RAB3IL1: variants seen among roughly 807,000 people sequenced by gnomAD.
RAB3IL1 encodes the protein RAB3A interacting protein like 1.
Under a neutral mutation model 49.2 loss-of-function variants are expected in RAB3IL1, and 37 were observed. The observed-to-expected ratio is 0.75, with a 90% CI of 0.58 to 0.99. The LOEUF is 0.99. Ranked by LOEUF, RAB3IL1 falls within the 50% of genes least tolerant of loss-of-function variation. RAB3IL1 has a pLI of 0.00. For missense variants in RAB3IL1, 484 were observed against 513.0 expected (o/e 0.94, Z 0.55); for synonymous variants, 193 against 213.9 (o/e 0.90, Z 0.85).
chr11:61,899,416 C>A, intron 8 of RAB3IL1, 36 bp from the exon 9 acceptor site: 2 of 1,593,314 alleles, frequency 1.3e-6, no homozygotes, highest in Non-Finnish European at 8.5e-7. Flanking sequence ...GACCTGCCAG[C>A]CCCACGCTGG....
the RAB3IL1 span, among the ~76,000 whole-genome samples, chr11:61,934,444 G>GTGTGTGTGTGTA: frequency 1.2e-5 from 1 of 83,666 alleles, no homozygotes. Context: ...GTGTGTGTGT[G>GTGTGTGTGTGTA]TGTATGTATA....
At chr11:61,943,698 A>T in the RAB3IL1 span, among the ~76,000 whole-genome samples, 1 of 152,242 alleles carries the variant, frequency 6.6e-6, no homozygotes, top group Non-Finnish European at 1.5e-5. Flanking sequence ...CAAACAGCCA[A>T]TAAGCACATG....
At chr11:61,917,256 G>A (rs1355283022) in intron 1 of RAB3IL1, 101 bp downstream of exon 1, 5 of 1,313,152 alleles carry the variant, frequency 3.8e-6, no homozygotes, top group Non-Finnish European at 4.9e-6. Context: ...AGCACCTCCG[G>A]GTGGCGGCGC....
chr11:61,921,076 G>C (rs1939895142), upstream of RAB3IL1, among the ~76,000 whole-genome samples: 1 of 152,062 alleles, frequency 6.6e-6, no homozygotes, highest in Admixed American at 6.5e-5. Context: ...AGGCTGGAGG[G>C]CAGCCTCAAA....
upstream of RAB3IL1, among the ~76,000 whole-genome samples, chr11:61,923,989 G>C (rs944884280): frequency 1.3e-5 from 2 of 152,166 alleles, no homozygotes; most frequent in Non-Finnish European, 2.9e-5. Flanking sequence ...GTGTGGAGGC[G>C]GCCGAATGGG....
At chr11:61,920,950 CT>C (rs1939891966), upstream of RAB3IL1, among the ~76,000 whole-genome samples, 1 of 152,158 alleles carries the variant, frequency 6.6e-6, no homozygotes, top group South Asian at 2.1e-4. Flanking sequence ...AAACAAAAAA[CT>C]GTTATTTTTT....
chr11:61,899,481 G>A, intron 8 of RAB3IL1, 101 bp from the exon 9 acceptor site: 1 of 1,138,878 alleles, frequency 8.8e-7, no homozygotes, highest in African/African-American at 1.5e-5. Flanking sequence ...GGTCCCTGCA[G>A]AGCCAGGCAG....
intron 5 of RAB3IL1, among the ~76,000 whole-genome samples, chr11:61,905,591 GACAGA>G (rs781167262): frequency 2.2e-4 from 34 of 152,286 alleles, no homozygotes; most frequent in Non-Finnish European, 3.2e-4. Context: ...GGTGCACAGA[GACAGA>G]ACAGGAGGAA....
the RAB3IL1 span, among the ~76,000 whole-genome samples, chr11:61,942,892 C>A: frequency 1.3e-5 from 2 of 152,172 alleles, no homozygotes; most frequent in African/African-American, 4.8e-5. Context: ...GAAAAGACAT[C>A]CTATGTTCAT....
intron 2 of RAB3IL1, 66 bp from the exon 3 acceptor site, chr11:61,907,726 GC>G (rs1939270119): frequency 7.0e-7 from 1 of 1,426,782 alleles, no homozygotes; most frequent in Non-Finnish European, 9.8e-7. Flanking sequence ...GAGGGACCAG[GC>G]CCACCGGACC....
At chr11:61,945,949 C>T in the RAB3IL1 span, 7 of 341,178 alleles carry the variant, frequency 2.1e-5, no homozygotes, top group Admixed American at 6.5e-5. Context: ...TGGTTTCTGT[C>T]GTCTTTCTGT....
chr11:61,934,444 G>GTGTGTGTATGTGTA, the RAB3IL1 span, among the ~76,000 whole-genome samples: 104 of 83,650 alleles, frequency 1.2e-3, 3 homozygotes, highest in East Asian at 0.01. Flanking sequence ...GTGTGTGTGT[G>GTGTGTGTATGTGTA]TGTATGTATA....
chr11:61,904,631 C>T lies in RAB3IL1; in HGVS notation c.814G>A (p.Glu272Lys), dbSNP rs779605848. The change falls in exon 7 of 10, where the codon GAG (glutamate) becomes AAG (lysine). Residue 272 changes from glutamate to lysine, a missense_variant. Transcript: ENST00000394836. ...ELSVLVRAAV[E>K]DNTLTIEPVA... ...GGCTCAATGGTGAGCGTGTTGTCCT[C>T]CACGGCGGCCCGTACCAGCACCGAG... 11 of 1,612,330 alleles carry T rather than the reference C, an allele frequency of 6.8e-6. No individual in the cohort carries two copies. The highest frequency in any genetic ancestry group is 9.3e-6 in the Non-Finnish European group (11 of 1,179,392).
chr11:61,908,598 G>A (rs760837181), intron 1 of RAB3IL1, among the ~76,000 whole-genome samples: 9 of 152,186 alleles, frequency 5.9e-5, no homozygotes, highest in South Asian at 2.1e-4. Flanking sequence ...GGTGGTCAGC[G>A]TCTTTGTCTA....
chr11:61,904,907 G>A (rs369869718), intron 5 of RAB3IL1, 25 bp from the exon 6 acceptor site: 3 of 1,548,138 alleles, frequency 1.9e-6, no homozygotes, highest in Non-Finnish European at 8.8e-7. Flanking sequence ...AAGCGAGGGT[G>A]GGGGCGGTCA....
At chr11:61,941,607 C>T in the RAB3IL1 span, among the ~76,000 whole-genome samples, 6 of 152,186 alleles carry the variant, frequency 3.9e-5, 1 homozygote, top group South Asian at 1.2e-3. Flanking sequence ...AAAAAATTAG[C>T]CAGGTGTGGT....
chr11:61,938,729 C>T, the RAB3IL1 span, among the ~76,000 whole-genome samples: 122 of 152,130 alleles, frequency 8.0e-4, no homozygotes, highest in African/African-American at 2.9e-3. Context: ...AATTCAAAAC[C>T]AGTCTGCCCA....
the RAB3IL1 span, among the ~76,000 whole-genome samples, chr11:61,939,018 C>T: frequency 7.9e-5 from 12 of 151,940 alleles, no homozygotes; most frequent in African/African-American, 2.9e-4. Context: ...GCTAGAACTA[C>T]ACACTAGATA....
chr11:61,900,783 T>C (rs1441890576), intron 8 of RAB3IL1, among the ~76,000 whole-genome samples: 2 of 152,170 alleles, frequency 1.3e-5, no homozygotes, highest in African/African-American at 4.8e-5. Context: ...CCCAGCTTCA[T>C]CCAGTGCAGC....
Sources: gnomAD v4.1 joint callset for allele counts (sites outside exome capture counted in the v4.1 genomes callset) on GRCh38, gnomAD v4.1.1 for gene constraint, MANE v1.5 for transcripts, NCBI Gene and HGNC (gene_info 2026-07-23, HGNC 2026-07-21) for gene names.